The following MEPCE variants were observed in gnomAD, a reference collection of about 807,000 sequenced individuals.
MEPCE encodes 7SK snRNA methylphosphate capping enzyme.
A neutral mutation model predicts 52.3 loss-of-function variants in MEPCE; 9 were observed. That is an observed-to-expected ratio of 0.17 (90% CI 0.10 to 0.30). MEPCE has a LOEUF of 0.30. Ranked by LOEUF, MEPCE falls within the 10% of genes least tolerant of loss-of-function variation. MEPCE has a pLI of 1.00. For synonymous variants in MEPCE, 477 were observed against 401.6 expected, an observed-to-expected ratio of 1.19 and a Z score of -2.25; for missense variants, 826 against 933.0, an observed-to-expected ratio of 0.89 and a Z score of 1.49.
chr7:100,432,615 C>T (rs1798750905), intron 1 of MEPCE, among the ~76,000 whole-genome samples: 1 of 152,200 alleles, frequency 6.6e-6, no homozygotes, highest in South Asian at 2.1e-4. Context: ...TGAGAATAAA[C>T]ACAGGATATG....
chr7:100,432,778 C>T lies in MEPCE; in HGVS notation c.1672-141C>T, dbSNP rs1444673740. Reference sequence around the variant, plus strand: ...AAACAAAACTCAAAGAGGGCAGGCACCTTTTGGGAGTTAGTCTGAGAAGAA... The same window carrying T: ...AAACAAAACTCAAAGAGGGCAGGCATCTTTTGGGAGTTAGTCTGAGAAGAA... On this transcript the variant is annotated intron_variant, in intron 1 of 3. Coordinates refer to ENST00000310512, the MANE Select transcript of MEPCE (RefSeq NM_019606.6). The T allele has an allele frequency of 8.0e-6, 6 of 750,120 alleles. No individual in the cohort carries two copies. The Admixed American group carries it at 1.1e-4, about 14-fold the overall frequency. 46.5% of individuals were successfully genotyped at this position (750,120 alleles called of 1,614,324 possible).
At chr7:100,432,304 T>C (rs1798742120) in intron 1 of MEPCE, among the ~76,000 whole-genome samples, 2 of 152,180 alleles carry the variant, frequency 1.3e-5, no homozygotes, top group African/African-American at 4.8e-5. Flanking sequence ...TCCTGTGCCC[T>C]GCAGAGTCCC....
At chr7:100,429,776 G>A (rs1017726658), upstream of MEPCE, 10 of 386,264 alleles carry the variant, frequency 2.6e-5, no homozygotes, top group African/African-American at 8.3e-5. Flanking sequence ...TGGCGGAGGA[G>A]AAAGGGGTCG....
rs1584321174 is a variant in MEPCE at position 100,430,242 on chromosome 7, C to T, written c.224C>T (p.Thr75Ile). The change falls in exon 1 of 4, where the codon ACC (threonine) becomes ATC (isoleucine). Residue 75 changes from threonine (T) to isoleucine (I), a missense_variant. Around this residue, in one of 7 missense-constraint regions of MEPCE, gnomAD observed 314 missense variants for 277.7 expected, o/e 1.13. Coordinates refer to ENST00000310512, the MANE Select transcript of MEPCE (RefSeq NM_019606.6). ...CGGGAAAGCCCCGGGGCCGCGGCCA[C>T]CTCCTCCAGTGGTCCCCAGGCGCAG... is the stretch of plus-strand genomic sequence containing the variant. ...VGRESPGAAA[T>I]SSSGPQAQQH... 3.7e-6 allele frequency: 5 copies of T among 1,345,398 alleles called. No individual in the cohort carries two copies. The highest frequency in any genetic ancestry group is 3.9e-5 in the South Asian group (2 of 51,416). The allele number at this position is 1,345,398 out of a possible 1,614,324, so 83.3% of individuals were successfully genotyped here.
chr7:100,431,067 C>T lies in MEPCE; in HGVS notation c.1049C>T (p.Ser350Leu), dbSNP rs1482654653. 1.9e-6 allele frequency: 3 copies of T among 1,613,844 alleles called. No homozygotes were observed. Among genetic ancestry groups the T allele is most frequent in the East Asian group, 4.5e-5 (2 of 44,886 alleles). The change falls in exon 1 of 4, where the codon TCA (serine) becomes TTA (leucine). Residue 350 changes from serine (S) to leucine (L), a missense_variant. By Grantham distance (145) the Ser-to-Leu change is moderately radical. Transcript: ENST00000310512. The stretch of plus-strand genomic sequence containing the variant: ...TCCCTATCAGCCCCTCCAGCTGCCT[C>T]AGTTATCTCTGCACCCCCATCTTCC... ...SGSLSAPPAA[S>L]VISAPPSSSS... is the part of the protein sequence containing the mutation.
chr7:100,433,029 G>A lies in MEPCE; in HGVS notation c.1782G>A (p.Glu594=). ...TKWVHLNWGD[E]GLKRMFRRIY... ...GGGTGCATCTGAACTGGGGAGACGA[G>A]GGCCTGAAGCGCATGTTTCGCCGGA... Residue 594 remains glutamate, a synonymous_variant, in exon 2 of 4, where the codon GAG becomes GAA. Transcript: ENST00000310512. The A allele has an allele frequency of 1.9e-6, 3 of 1,614,028 alleles. No homozygotes were observed. The highest frequency in any genetic ancestry group is 1.7e-5 in the Admixed American group (1 of 60,032).
chr7:100,428,983 C>G (rs1411216677), upstream of MEPCE: 1 of 152,372 alleles, frequency 6.6e-6, no homozygotes, highest in Non-Finnish European at 1.5e-5. Flanking sequence ...TGGACAACAT[C>G]GGCTGTTTTA....
rs1161937594 is a variant in MEPCE at position 100,433,974 on chromosome 7, C to G, written c.*420C>G. On this transcript the variant is annotated 3_prime_UTR_variant, in exon 4 of 4. Transcript: ENST00000310512. ...TTTCAGTGGACCATGGATAGAGGGA[C>G]TGAGGGTTAGACGGGGAAGACTGGC... 5.4e-6 allele frequency: 1 copy of G among 184,316 alleles called. No individual in the cohort carries two copies. The highest frequency in any genetic ancestry group is 1.1e-5 in the Non-Finnish European group (1 of 87,352). The allele number at this position is 184,316 out of a possible 1,614,324, so 11.4% of individuals were successfully genotyped here.
chr7:100,429,302 G>T (rs1282800451), upstream of MEPCE: 1 of 152,254 alleles, frequency 6.6e-6, no homozygotes, highest in Non-Finnish European at 1.5e-5. Flanking sequence ...CCTAAGACGG[G>T]GGGCGGGGCG....
chr7:100,431,812 C>A, intron 1 of MEPCE, 123 bp downstream of exon 1: 2 of 928,352 alleles, frequency 2.2e-6, no homozygotes, highest in Non-Finnish European at 3.1e-6. Flanking sequence ...CAAGTGAGAG[C>A]CTCTGCTGGG....
chr7:100,430,082 G>C lies in MEPCE; in HGVS notation c.64G>C (p.Asp22His). ...LVPAPPPPLK[D>H]ESGGGGGPTV... ...GCCGGCCCCGCCGCCGCCGCTCAAA[G>C]ATGAGTCGGGCGGAGGGGGCGGCCC... Residue 22 changes from aspartate (D) to histidine (H), a missense_variant, in exon 1 of 4, where the codon GAT (aspartate) becomes CAT (histidine). Physicochemically the swap from Asp to His is moderately conservative, Grantham distance 81. Transcript: ENST00000310512. The C allele has an allele frequency of 7.9e-7, 1 of 1,267,342 alleles. No homozygotes were observed. Among genetic ancestry groups the C allele is most frequent in the Non-Finnish European group, 9.9e-7 (1 of 1,006,656 alleles). The allele number at this position is 1,267,342 out of a possible 1,614,324, so 78.5% of individuals were successfully genotyped here.
intron 1 of MEPCE, among the ~76,000 whole-genome samples, chr7:100,432,429 A>C (rs1478710446): frequency 6.6e-6 from 1 of 152,160 alleles, no homozygotes; most frequent in East Asian, 1.9e-4. Context: ...TGATGAGCTG[A>C]GCTTCTAGAA....
chr7:100,430,591 C>T lies in MEPCE; in HGVS notation c.573C>T (p.Ile191=), dbSNP rs761520441. 9 of 1,608,810 alleles carry T rather than the reference C, an allele frequency of 5.6e-6. No individual in the cohort carries two copies. The Admixed American group carries it at 1.3e-4, about 24-fold the overall frequency. The change falls in exon 1 of 4, where the codon ATC becomes ATT. Residue 191 remains isoleucine (I), a synonymous_variant. Transcript: ENST00000310512. The stretch of plus-strand genomic sequence containing the variant: ...CCAACTTCCTCCTGGGGGGCAATAT[C>T]TTTGATCCCCTGAACCTGAATAGCC... ...LPSNFLLGGN[I]FDPLNLNSLL... is the part of the protein sequence containing the mutation.
Position 100,430,504 on chromosome 7 carries a change from C to T in MEPCE, c.486C>T (p.Phe162=). The T allele has an allele frequency of 6.3e-7, 1 of 1,579,252 alleles. No homozygotes were observed. The highest frequency in any genetic ancestry group is 8.6e-7 in the Non-Finnish European group (1 of 1,163,650). ...ATGTAGGGGGAGGCGGGGGAGGCTT[C>T]AAACATCCGGCCTTCAAGAGGCGCA... ...SCNVGGGGGG[F]KHPAFKRRRR... is the part of the protein sequence containing the mutation. The change falls in exon 1 of 4, where the codon TTC becomes TTT. Residue 162 remains phenylalanine, a synonymous_variant. Coordinates refer to ENST00000310512, the MANE Select transcript of MEPCE (RefSeq NM_019606.6).
chr7:100,431,121 C>T lies in MEPCE; in HGVS notation c.1103C>T (p.Thr368Ile), dbSNP rs754577767. ...TCCCGACATCGCAAACGTCGCAGGA[C>T]TTCCAGCAAGTCGGAGGCAGGGGCT... ...SSSRHRKRRR[T>I]SSKSEAGARG... Residue 368 changes from threonine (T) to isoleucine (I), a missense_variant, in exon 1 of 4, where the codon ACT becomes ATT. Physicochemically the swap from Thr to Ile is moderately conservative, Grantham distance 89. This residue lies in a region of MEPCE where 307 missense variants were observed against 292.1 expected (regional missense o/e 1.05). Coordinates refer to ENST00000310512, the MANE Select transcript of MEPCE (RefSeq NM_019606.6). 5 of 1,613,798 alleles carry T rather than the reference C, an allele frequency of 3.1e-6. No individual in the cohort carries two copies. The South Asian group carries it at 5.5e-5, about 18-fold the overall frequency.
chr7:100,429,182 C>T (rs192112092), upstream of MEPCE: 1 of 152,254 alleles, frequency 6.6e-6, no homozygotes, highest in Admixed American at 6.5e-5. Context: ...ACCAACAGCT[C>T]ATGAATAATT....
chr7:100,430,541 T>C lies in MEPCE; in HGVS notation c.523T>C (p.Ser175Pro). The C allele has an allele frequency of 6.3e-7, 1 of 1,586,546 alleles. No individual in the cohort carries two copies. Among genetic ancestry groups the C allele is most frequent in the Non-Finnish European group, 8.6e-7 (1 of 1,165,946 alleles). ...PAFKRRRRVN[S>P]DCDSVLPSNF... ...CTTCAAGAGGCGCAGGCGGGTGAAT[T>C]CGGACTGTGACTCTGTGTTACCCTC... The change falls in exon 1 of 4, where the codon TCG becomes CCG. Residue 175 changes from serine (S) to proline (P), a missense_variant. Coordinates refer to ENST00000310512, the MANE Select transcript of MEPCE (RefSeq NM_019606.6).
In MEPCE at chr7:100,432,758, AAACTC is replaced by A. The variant is rs879121897; in HGVS notation, c.1672-158_1672-154del. Among the ~76,000 whole-genome samples the A allele has an allele frequency of 2.6e-5, 4 of 152,312 alleles. No homozygotes were observed. In the South Asian group the frequency reaches 8.3e-4, roughly 32 times the overall value. On this transcript the variant is annotated intron_variant, in intron 1 of 3. Transcript: ENST00000310512. ...GCAGGAAGGTGTAGAGGAGAAAACA[AAACTC>A]AAAGAGGGCAGGCACCTTTTGGGAG...
At position 100,431,009 on chromosome 7, in the gene MEPCE, C is replaced by T. The variant is rs779716488; in HGVS notation, c.991C>T (p.Pro331Ser). The change falls in exon 1 of 4, where the codon CCC becomes TCC. Residue 331 changes from proline (P) to serine (S), a missense_variant. By Grantham distance (74) the Pro-to-Ser change is moderately conservative. Around this residue, in one of 7 missense-constraint regions of MEPCE, gnomAD observed 307 missense variants for 292.1 expected, o/e 1.05. Transcript: ENST00000310512. ...CAACTGCAGGGATGAAGTGGTGTCT[C>T]CCCTTCCATCTGCTCTGCAGGGTCC... ...AINCRDEVVS[P>S]LPSALQGPSG... 6.2e-7 allele frequency: 1 copy of T among 1,613,788 alleles called. No homozygotes were observed. The highest frequency in any genetic ancestry group is 1.1e-5 in the South Asian group (1 of 91,054).
Sources: gnomAD v4.1 joint callset for allele counts (sites outside exome capture counted in the v4.1 genomes callset) on GRCh38, gnomAD v4.1.1 for gene constraint, gnomAD v4.1.1 regional missense constraint, MANE v1.5 for transcripts, NCBI Gene and HGNC (gene_info 2026-07-23, HGNC 2026-07-21) for gene names.